MTHFD1L: variants seen among roughly 807,000 people sequenced by gnomAD.
MTHFD1L encodes the protein methylenetetrahydrofolate dehydrogenase (NADP+ dependent) 1 like.
A neutral mutation model predicts 119.5 loss-of-function variants in MTHFD1L; 81 were observed. The observed-to-expected ratio is 0.68, with a 90% CI of 0.57 to 0.82. The LOEUF is 0.82. Ranked by LOEUF, MTHFD1L falls within the 40% of genes least tolerant of loss-of-function variation. The pLI, the probability that MTHFD1L is intolerant of heterozygous loss-of-function variation, is 0.00. For synonymous variants in MTHFD1L, 430 were observed against 475.2 expected (o/e 0.90, Z 1.24); for missense variants, 1,125 against 1,253.4 (o/e 0.90, Z 1.55).
At chr6:150,899,866 G>C (rs1220243841) in intron 7 of MTHFD1L, among the ~76,000 whole-genome samples, 1 of 151,852 alleles carries the variant, frequency 6.6e-6, no homozygotes, top group African/African-American at 2.4e-5. Context: ...TAGCTACTCA[G>C]GAGGCTGAGA....
chr6:150,885,875 C>A, intron 6 of MTHFD1L, 141 bp downstream of exon 6: 1 of 615,506 alleles, frequency 1.6e-6, no homozygotes, highest in Non-Finnish European at 2.7e-6. Flanking sequence ...CTAGAAGATT[C>A]TAATTGAACA....
At chr6:150,978,727 T>G (rs73615286) in intron 20 of MTHFD1L, among the ~76,000 whole-genome samples, 19,512 of 152,086 alleles carry the variant, frequency 0.13, 2,913 homozygotes, top group African/African-American at 0.36. Context: ...ACTCAATCCT[T>G]AAAACCGTCT....
chr6:150,923,620 C>T (rs112283315), intron 10 of MTHFD1L, among the ~76,000 whole-genome samples: 6,272 of 144,546 alleles, frequency 0.043, 475 homozygotes, highest in African/African-American at 0.15. Flanking sequence ...CCACCTGCCT[C>T]GGCCTACCAA....
At chr6:150,928,210 T>C (rs1370849435) in intron 11 of MTHFD1L, among the ~76,000 whole-genome samples, 6 of 151,824 alleles carry the variant, frequency 4.0e-5, no homozygotes, top group African/African-American at 1.2e-4. Flanking sequence ...CCGAGGCAGG[T>C]GGATCACAAG....
At chr6:150,890,145 A>G (rs549876947) in intron 7 of MTHFD1L, among the ~76,000 whole-genome samples, 8 of 152,278 alleles carry the variant, frequency 5.3e-5, no homozygotes, top group African/African-American at 1.9e-4. Context: ...AACAAGAACG[A>G]AACTCCGTCT....
Position 150,922,087 on chromosome 6 carries a change from A to G in MTHFD1L, c.985-118A>G, listed in dbSNP as rs1562383591. On this transcript the variant is annotated intron_variant, in intron 9 of 27. Coordinates refer to ENST00000367321, the MANE Select transcript of MTHFD1L (RefSeq NM_015440.5). ...AATATTCCTAATATCCTCCTGGCTT[A>G]TTGTGCGACTCGATAATCTTGTTTT... is the stretch of plus-strand genomic sequence containing the variant. The G allele has an allele frequency of 1.5e-5, 11 of 731,758 alleles. No homozygotes were observed. The East Asian group carries it at 2.5e-4, about 17-fold the overall frequency. 45.3% of individuals were successfully genotyped at this position (731,758 alleles called of 1,614,324 possible). A position where few individuals can be genotyped will look rare whatever the true frequency, so the allele number is the denominator to read the frequency against.
chr6:150,921,169 G>T (rs1307990283), intron 9 of MTHFD1L, among the ~76,000 whole-genome samples: 2 of 150,900 alleles, frequency 1.3e-5, no homozygotes, highest in African/African-American at 2.4e-5. Flanking sequence ...GCCCAGGCTG[G>T]GGTGCAATGG....
chr6:151,006,912 A>G (rs955480669), intron 20 of MTHFD1L, among the ~76,000 whole-genome samples: 18 of 152,114 alleles, frequency 1.2e-4, no homozygotes, highest in Admixed American at 5.2e-4. Flanking sequence ...ATAGGGCGAC[A>G]TTAAACAGTT....
At chr6:151,034,634 T>A in intron 25 of MTHFD1L, 34 bp downstream of exon 25, 1 of 1,380,326 alleles carries the variant, frequency 7.2e-7, no homozygotes. Context: ...AAAGAAAAAA[T>A]TCACCTTAGG....
chr6:150,911,682 T>C (rs1049169162), intron 8 of MTHFD1L, among the ~76,000 whole-genome samples: 3 of 152,052 alleles, frequency 2.0e-5, no homozygotes, highest in Non-Finnish European at 4.4e-5. Context: ...GCACTGCTGA[T>C]AAAGACATAC....
chr6:151,042,978 C>T (rs1396237489), intron 26 of MTHFD1L, among the ~76,000 whole-genome samples: 5 of 152,190 alleles, frequency 3.3e-5, no homozygotes, highest in African/African-American at 1.2e-4. Flanking sequence ...CCTGTGGGAG[C>T]GGGCTCCATG....
chr6:151,013,393 T>A (rs117730999), intron 21 of MTHFD1L, among the ~76,000 whole-genome samples: 2,093 of 152,292 alleles, frequency 0.014, 18 homozygotes, highest in Non-Finnish European at 0.019. Flanking sequence ...TAAAATGATT[T>A]CGAATGGTGA....
intron 26 of MTHFD1L, among the ~76,000 whole-genome samples, chr6:151,065,534 T>A (rs1791135725): frequency 6.6e-6 from 1 of 152,270 alleles, no homozygotes; most frequent in African/African-American, 2.4e-5. Context: ...TCCAGCCTTC[T>A]GGCATTTGTG....
intron 20 of MTHFD1L, among the ~76,000 whole-genome samples, chr6:150,978,955 T>C (rs1411228838): frequency 6.6e-6 from 1 of 152,036 alleles, no homozygotes; most frequent in East Asian, 1.9e-4. Flanking sequence ...AAAAAATAAT[T>C]TTAGCTGGGC....
At chr6:151,091,071 T>C (rs1363401436) in intron 26 of MTHFD1L, among the ~76,000 whole-genome samples, 65 of 119,512 alleles carry the variant, frequency 5.4e-4, no homozygotes, top group African/African-American at 1.6e-3. Flanking sequence ...GCAGCATCGT[T>C]CCATGCGACT....
At chr6:151,057,228 T>G (rs1335110634) in intron 26 of MTHFD1L, 1 of 984,966 alleles carries the variant, frequency 1.0e-6, no homozygotes, top group African/African-American at 1.7e-5. Context: ...ATTTTTAAAT[T>G]TCATTCTAAG....
chr6:150,895,137 C>T (rs1050098421), intron 7 of MTHFD1L, among the ~76,000 whole-genome samples: 1 of 152,224 alleles, frequency 6.6e-6, no homozygotes, highest in Non-Finnish European at 1.5e-5. Flanking sequence ...GCCCCCACAC[C>T]CAGCGTCCTG....
intron 26 of MTHFD1L, among the ~76,000 whole-genome samples, chr6:151,064,789 G>GTTTT (rs63491461): frequency 6.8e-6 from 1 of 147,796 alleles, no homozygotes. Flanking sequence ...TTCTTTTTTT[G>GTTTT]TTTTTTTTTT....
chr6:150,922,381 A>C, intron 10 of MTHFD1L, 79 bp downstream of exon 10: 1 of 1,103,696 alleles, frequency 9.1e-7, no homozygotes, highest in South Asian at 1.4e-5. Flanking sequence ...GGAGAAGCAC[A>C]ACTCATGGTA....
Sources: allele counts gnomAD v4.1 joint callset (sites outside exome capture counted in the v4.1 genomes callset), GRCh38; gene constraint gnomAD v4.1.1; transcripts MANE v1.5; gene names NCBI Gene and HGNC (gene_info 2026-07-23, HGNC 2026-07-21).